MYO5B: variants seen among roughly 807,000 people sequenced by gnomAD.
MYO5B encodes myosin VB.
A neutral mutation model predicts 229.3 loss-of-function variants in MYO5B; 143 were observed. The observed-to-expected ratio is 0.62, with a 90% CI of 0.54 to 0.72. The LOEUF (loss-of-function observed/expected upper bound fraction) is 0.72. Among genes scored for constraint, MYO5B ranks in the 30% least tolerant of loss-of-function variants. The probability of loss-of-function intolerance (pLI) is 0.00; values close to 1 mark genes in which losing one functional copy is unlikely to be tolerated. For missense variants in MYO5B, 2,321 were observed against 2,331.0 expected (o/e 1.00, Z 0.09); for synonymous variants, 918 against 885.2 (o/e 1.04, Z -0.66).
At chr18:49,910,356 T>A (rs1448088431) in intron 18 of MYO5B, among the ~76,000 whole-genome samples, 1 of 152,000 alleles carries the variant, frequency 6.6e-6, no homozygotes, top group Non-Finnish European at 1.5e-5. Context: ...GAAACTATGA[T>A]CCTAGACAAA....
intron 27 of MYO5B, among the ~76,000 whole-genome samples, chr18:49,864,859 G>C (rs909000412): frequency 6.6e-6 from 1 of 152,106 alleles, no homozygotes; most frequent in Non-Finnish European, 1.5e-5. Context: ...TTTTTGTCCC[G>C]GACTAATTAG....
In MYO5B at chr18:49,906,712, T is replaced by C. The variant is rs2024904135; in HGVS notation, c.2203-82A>G. On this transcript the variant is annotated intron_variant, in intron 18 of 39. Transcript: ENST00000285039. ...GCCCATACCACCCTTGTTCTTCCCA[T>C]GCAGAATCCCCTGGCCAGACTTCAT... is the stretch of plus-strand genomic sequence containing the variant. 1.0e-5 allele frequency: 13 copies of C among 1,274,454 alleles called. No homozygotes were observed. In the Middle Eastern group the frequency reaches 1.3e-3, roughly 129 times the overall value. 78.9% of individuals were successfully genotyped at this position (1,274,454 alleles called of 1,614,324 possible).
At chr18:49,897,249 G>A (rs1310884085) in intron 21 of MYO5B, among the ~76,000 whole-genome samples, 2 of 152,284 alleles carry the variant, frequency 1.3e-5, no homozygotes, top group African/African-American at 4.8e-5. Flanking sequence ...CCTGGCAGAG[G>A]GCAGGGCATG....
chr18:50,119,417 A>C (rs1181480900), intron 1 of MYO5B, among the ~76,000 whole-genome samples: 1 of 152,128 alleles, frequency 6.6e-6, no homozygotes. Flanking sequence ...ATCTCCCTCA[A>C]CTTTTTGTCT....
Position 49,856,920 on chromosome 18 carries a change from T to G in MYO5B, c.3945-30A>C. ...AAACAAAGGACAGAAAAACAGGGTG[T>G]CCAGTGTAGACGGAAGAGACAGGCA... On this transcript the variant is annotated intron_variant, in intron 29 of 39. Transcript: ENST00000285039. The G allele has an allele frequency of 2.5e-6, 4 of 1,578,430 alleles. No homozygotes were observed. The African/African-American group carries it at 5.4e-5, about 21-fold the overall frequency.
intron 4 of MYO5B, among the ~76,000 whole-genome samples, chr18:50,010,504 A>G (rs1449072554): frequency 1.3e-5 from 2 of 152,210 alleles, no homozygotes; most frequent in African/African-American, 4.8e-5. Flanking sequence ...GGTCTGGAAG[A>G]TTATCCCTAG....
chr18:49,919,571 G>C (rs930530851), intron 17 of MYO5B, among the ~76,000 whole-genome samples: 4 of 152,158 alleles, frequency 2.6e-5, no homozygotes, highest in Non-Finnish European at 5.9e-5. Context: ...GCACATGAAA[G>C]ATGCTCAACA....
At chr18:49,836,933 TC>T (rs2023994554) in intron 37 of MYO5B, 48 bp from the exon 38 acceptor site, 1 of 1,584,936 alleles carries the variant, frequency 6.3e-7, no homozygotes, top group African/African-American at 1.3e-5. Context: ...TCCTCCTAAT[TC>T]ACTGAGAAGG....
At chr18:50,167,399 A>G (rs796130447) in intron 1 of MYO5B, among the ~76,000 whole-genome samples, 2 of 152,362 alleles carry the variant, frequency 1.3e-5, no homozygotes, top group African/African-American at 4.8e-5. Flanking sequence ...AGTGACAGGT[A>G]TAAAGGACCG....
chr18:50,177,826 A>G (rs201410736), intron 1 of MYO5B, among the ~76,000 whole-genome samples: 158 of 152,350 alleles, frequency 1.0e-3, no homozygotes, highest in African/African-American at 3.7e-3. Context: ...ACCCAGCCAC[A>G]GGGAATAGCA....
chr18:49,988,023 A>G (rs1172593840), intron 7 of MYO5B, among the ~76,000 whole-genome samples: 1 of 152,210 alleles, frequency 6.6e-6, no homozygotes, highest in East Asian at 1.9e-4. Flanking sequence ...TTTTAAATGC[A>G]ATGGCCCAAC....
chr18:50,189,251 G>A (rs1415672980), intron 1 of MYO5B, among the ~76,000 whole-genome samples: 1 of 152,148 alleles, frequency 6.6e-6, no homozygotes, highest in African/African-American at 2.4e-5. Context: ...AGACTTGTAA[G>A]GCAGTGTTTT....
At position 50,115,131 on chromosome 18, in the gene MYO5B, C is replaced by T. The variant is rs565553213; in HGVS notation, c.28-59753G>A. The stretch of plus-strand genomic sequence containing the variant: ...CCACACTGTGCCTTCCTCCTCTCTG[C>T]TCCATCATACCTGTCCCAGTCATGC... On this transcript the variant is annotated intron_variant, in intron 1 of 39. Transcript: ENST00000285039. Among the ~76,000 whole-genome samples, 10 of 152,338 alleles carry T rather than the reference C, an allele frequency of 6.6e-5. No individual in the cohort carries two copies. In the East Asian group the frequency reaches 1.2e-3, roughly 18 times the overall value.
At chr18:49,931,146 G>T (rs2025186403) in intron 16 of MYO5B, among the ~76,000 whole-genome samples, 1 of 152,116 alleles carries the variant, frequency 6.6e-6, no homozygotes, top group Non-Finnish European at 1.5e-5. Flanking sequence ...CTGGGACATG[G>T]TGCTTGATAG....
At chr18:49,984,864 G>C (rs1335106501) in intron 7 of MYO5B, 39 bp from the exon 8 acceptor site, 1 of 1,380,168 alleles carries the variant, frequency 7.2e-7, no homozygotes. Flanking sequence ...GGCACTGGAG[G>C]ACACTTCATC....
intron 31 of MYO5B, chr18:49,849,905 C>A: frequency 2.0e-6 from 1 of 512,388 alleles, no homozygotes; most frequent in Non-Finnish European, 3.6e-6. Flanking sequence ...CCAGGTCAGG[C>A]TCTCTGGCGC....
chr18:50,101,548 G>GAA (rs534834988), intron 1 of MYO5B, among the ~76,000 whole-genome samples: 1 of 149,788 alleles, frequency 6.7e-6, no homozygotes. Flanking sequence ...AAATTTACAA[G>GAA]AAAAAAAAAC....
intron 17 of MYO5B, 119 bp from the exon 18 acceptor site, chr18:49,912,292 G>C (rs1198558626): frequency 1.3e-6 from 1 of 799,222 alleles, no homozygotes; most frequent in Non-Finnish European, 2.2e-6. Flanking sequence ...GTCATTCTCA[G>C]AGCAGCAAAG....
At position 49,826,366 on chromosome 18, in the gene MYO5B, T is replaced by C; in HGVS notation, c.*105A>G. On this transcript the variant is annotated 3_prime_UTR_variant, in exon 40 of 40. Transcript: ENST00000285039. ...CCTCCACAGGCTGTCAATCTCTGAT[T>C]TGATCTACTTTTACCAGATTTAACA... The C allele has an allele frequency of 1.4e-6, 2 of 1,392,086 alleles. No homozygotes were observed. 86.2% of individuals were successfully genotyped at this position (1,392,086 alleles called of 1,614,324 possible).
Sources: gnomAD v4.1 joint callset for allele counts (sites outside exome capture counted in the v4.1 genomes callset) on GRCh38, gnomAD v4.1.1 for gene constraint, MANE v1.5 for transcripts, NCBI Gene and HGNC (gene_info 2026-07-23, HGNC 2026-07-21) for gene names.